The following RIPOR2 variants were observed in gnomAD, a reference collection of about 807,000 sequenced individuals.
RIPOR2 encodes the protein RHO family interacting cell polarization regulator 2.
In RIPOR2, 39 loss-of-function variants were observed where a neutral mutation model predicts 114.5. That is an observed-to-expected ratio of 0.34 (90% CI 0.26 to 0.44). The LOEUF is 0.44. Ranked by LOEUF, RIPOR2 falls within the 20% of genes least tolerant of loss-of-function variation. The pLI is 1.00. For synonymous variants in RIPOR2, 445 were observed against 484.4 expected (o/e 0.92, Z 1.07); for missense variants, 1,007 against 1,255.1 (o/e 0.80, Z 2.99).
At chr6:24,995,554 T>A (rs1410290704) in intron 1 of RIPOR2, among the ~76,000 whole-genome samples, 1 of 152,202 alleles carries the variant, frequency 6.6e-6, no homozygotes, top group Non-Finnish European at 1.5e-5. Context: ...CGTAGGAGCA[T>A]CAGGGAAGTG....
In RIPOR2 at chr6:25,037,457, T is replaced by A. The variant is rs893678600; in HGVS notation, c.76+4394A>T. Among the ~76,000 whole-genome samples, 1 of 152,170 alleles carries A rather than the reference T, an allele frequency of 6.6e-6. No individual in the cohort carries two copies. The highest frequency in any genetic ancestry group is 2.4e-5 in the African/African-American group (1 of 41,426). On this transcript the variant is annotated intron_variant, in intron 1 of 13. Coordinates refer to the RIPOR2 transcript ENST00000510784. This position sits in a 1 kb window ranked among gnomAD's most constrained non-coding sequence, Gnocchi z 4.5. ...CGGGCTGTTGCTGTGTCTATACTCC[T>A]CTTTACCTGGGCAGGTCACAGGTAA...
chr6:24,839,679 G>A (rs1344385441), intron 13 of RIPOR2: 2 of 1,523,034 alleles, frequency 1.3e-6, no homozygotes, highest in Non-Finnish European at 1.8e-6. Flanking sequence ...ACAAAGCCTT[G>A]GGAAACAGAA....
At chr6:24,976,757 C>T in intron 1 of RIPOR2, 3 of 1,611,254 alleles carry the variant, frequency 1.9e-6, no homozygotes, top group Non-Finnish European at 2.5e-6. Flanking sequence ...CATCCTAAAG[C>T]ATACAGGTCC....
chr6:24,846,125 C>T (rs995621210), intron 12 of RIPOR2, among the ~76,000 whole-genome samples: 2 of 152,150 alleles, frequency 1.3e-5, no homozygotes, highest in Admixed American at 6.5e-5. Flanking sequence ...CCACAACCCC[C>T]AACCTGTAGC....
intron 1 of RIPOR2, among the ~76,000 whole-genome samples, chr6:24,966,880 G>A (rs531414477): frequency 3.0e-4 from 46 of 152,248 alleles, no homozygotes; most frequent in African/African-American, 8.4e-4. Flanking sequence ...CAGAGTATCC[G>A]CTATATGATA....
chr6:24,936,116 G>A (rs952183200), upstream of RIPOR2: 7 of 498,362 alleles, frequency 1.4e-5, no homozygotes, highest in African/African-American at 2.0e-5. Context: ...CCACTGAGGA[G>A]AAAGAATTTT....
intron 1 of RIPOR2, among the ~76,000 whole-genome samples, chr6:25,039,137 T>C (rs1027248990): frequency 9.2e-5 from 14 of 152,226 alleles, no homozygotes; most frequent in Non-Finnish European, 1.8e-4. Flanking sequence ...AACGCTGACC[T>C]ATGAGAAAAG....
At position 24,842,980 on chromosome 6, in the gene RIPOR2, T is replaced by C. The variant is rs1308999451; in HGVS notation, c.1739A>G (p.Asp580Gly). The change falls in exon 13 of 22, where the codon GAT becomes GGT. Residue 580 changes from aspartate (D) to glycine (G), a missense_variant. Asp to Gly is a moderately conservative substitution (Grantham distance 94). Transcript: ENST00000643898. ...ATTAAAAGCATCCTCTAAGCTTCCA[T>C]CTAGAAAGGATCTGCAGCCTTCAGA... Reference protein sequence around the residue: ...GESEGCRSFLDGSLEDAFNGL... With the variant: ...GESEGCRSFLGGSLEDAFNGL... The C allele has an allele frequency of 6.4e-7, 1 of 1,566,206 alleles. No individual in the cohort carries two copies. Among genetic ancestry groups the C allele is most frequent in the Non-Finnish European group, 8.6e-7 (1 of 1,156,358 alleles).
At chr6:24,928,018 T>C (rs150203216) in intron 1 of RIPOR2, among the ~76,000 whole-genome samples, 1 of 152,348 alleles carries the variant, frequency 6.6e-6, no homozygotes, top group African/African-American at 2.4e-5. Context: ...CGTGATTTTT[T>C]ACTCAGATTG....
intron 1 of RIPOR2, among the ~76,000 whole-genome samples, chr6:24,981,618 C>A (rs73384123): frequency 1.6e-4 from 24 of 152,312 alleles, no homozygotes; most frequent in African/African-American, 5.5e-4. Flanking sequence ...CTGATTAAGC[C>A]TTGAGTCACC....
At chr6:25,018,171 C>T (rs182589305) in intron 1 of RIPOR2, among the ~76,000 whole-genome samples, 1 of 152,320 alleles carries the variant, frequency 6.6e-6, no homozygotes, top group East Asian at 1.9e-4. Flanking sequence ...GCGGCGCCAC[C>T]TGATGGTTAC....
rs922250444 is a variant in RIPOR2 at position 24,806,124 on chromosome 6, A to AT, written c.*248dup. 1.3e-4 allele frequency: 59 copies of AT among 463,932 alleles called. No individual in the cohort carries two copies. Among genetic ancestry groups the AT allele is most frequent in the Middle Eastern group, 1.1e-3 (2 of 1,776 alleles). 28.7% of individuals were successfully genotyped at this position (463,932 alleles called of 1,614,324 possible). ...GCCACCACGCCTGACTAATTAAACT[A>AT]TTTTTTTTGTAGAGACAGGGCCTTG... On this transcript the variant is annotated 3_prime_UTR_variant, in exon 22 of 22. Coordinates refer to ENST00000643898, the MANE Select transcript of RIPOR2 (RefSeq NM_001286445.3).
chr6:24,918,088 T>C (rs1770214115), intron 1 of RIPOR2, among the ~76,000 whole-genome samples: 1 of 152,188 alleles, frequency 6.6e-6, no homozygotes, highest in Non-Finnish European at 1.5e-5. Context: ...CCCTGTGATG[T>C]CCAGGTGGGT....
At chr6:24,966,906 T>C (rs1237526713) in intron 1 of RIPOR2, among the ~76,000 whole-genome samples, 1 of 152,220 alleles carries the variant, frequency 6.6e-6, no homozygotes, top group Non-Finnish European at 1.5e-5. Flanking sequence ...TCCATAGATA[T>C]TAGTTTCTTT....
intron 1 of RIPOR2, chr6:24,910,909 C>T: frequency 1.0e-6 from 1 of 985,342 alleles, no homozygotes; most frequent in Non-Finnish European, 1.2e-6. Flanking sequence ...CCGGAGCTGC[C>T]CGCACCTCCG....
At chr6:24,975,367 G>A (rs182902360) in intron 1 of RIPOR2, among the ~76,000 whole-genome samples, 37 of 152,170 alleles carry the variant, frequency 2.4e-4, no homozygotes, top group Admixed American at 1.2e-3. Context: ...TGTACAGCAC[G>A]GTAAAAAACT....
chr6:24,834,301 T>C (rs1405549587), intron 15 of RIPOR2, among the ~76,000 whole-genome samples: 1 of 152,144 alleles, frequency 6.6e-6, no homozygotes, highest in African/African-American at 2.4e-5. Context: ...CATATTCTCC[T>C]ACATCTCATC....
rs74446593 is a variant in RIPOR2, at chr6:24,907,440, A to G, written c.61+28398T>C. ...CATGTGTAAATGATCTTTTTTGTAGATAGCCTGCCGCACTCAGGAAAACAT... is the reference window on the plus strand; with the variant it reads ...CATGTGTAAATGATCTTTTTTGTAGGTAGCCTGCCGCACTCAGGAAAACAT... On this transcript the variant is annotated intron_variant, in intron 1 of 21. Transcript: ENST00000643898. Among the ~76,000 whole-genome samples the G allele has an allele frequency of 6.3e-3, 952 of 152,300 alleles. 7 individuals are homozygous for G. Among genetic ancestry groups the G allele is most frequent in the Middle Eastern group, 0.01 (3 of 294 alleles).
chr6:24,976,942 CAAG>C, intron 1 of RIPOR2: 2 of 1,561,858 alleles, frequency 1.3e-6, no homozygotes, highest in Non-Finnish European at 8.8e-7. Context: ...GCAAGACCAG[CAAG>C]AAGATCACCA....
Sources: gnomAD v4.1 joint callset for allele counts (sites outside exome capture counted in the v4.1 genomes callset) on GRCh38, gnomAD v4.1.1 for gene constraint, Gnocchi (gnomAD v3.1) non-coding constraint, MANE v1.5 for transcripts, NCBI Gene and HGNC (gene_info 2026-07-23, HGNC 2026-07-21) for gene names.